Variants in KDM6A observed in about 807,000 individuals in gnomAD.
KDM6A encodes the protein lysine-specific demethylase 6A.
A neutral mutation model predicts 117.6 loss-of-function variants in KDM6A; 11 were observed. The ratio of observed to expected loss-of-function variants is 0.09; its 90% CI spans 0.06 to 0.15. The LOEUF is 0.15. Among genes scored for constraint, KDM6A ranks in the 10% least tolerant of loss-of-function variants. The pLI is 1.00. For missense variants in KDM6A, 799 were observed against 1,077.3 expected (o/e 0.74, Z 3.62); for synonymous variants, 384 against 396.1 (o/e 0.97, Z 0.36).
At chrX:44,884,102 C>CA (rs60159327) in intron 2 of KDM6A, among the ~76,000 whole-genome samples, 264 of 23,723 alleles carry the variant, frequency 0.011, 11 homozygotes, top group East Asian at 0.017. Flanking sequence ...AACTCTATCT[C>CA]AAAAAAAAAA....
At chrX:45,041,717 C>G (rs1347345826) in intron 8 of KDM6A, among the ~76,000 whole-genome samples, 1 of 108,252 alleles carries the variant, frequency 9.2e-6, no homozygotes, top group African/African-American at 3.4e-5. Flanking sequence ...AGGCGCTCCT[C>G]GCTTCCTAGA....
chrX:44,987,008 G>A (rs1183553512), intron 4 of KDM6A, among the ~76,000 whole-genome samples: 3 of 111,128 alleles, frequency 2.7e-5, no homozygotes, highest in African/African-American at 9.8e-5. Context: ...ATTGACAGTG[G>A]GGTGTTAAAG....
At chrX:45,067,234 G>A (rs1176153036) in intron 17 of KDM6A, among the ~76,000 whole-genome samples, 1 of 111,787 alleles carries the variant, frequency 8.9e-6, no homozygotes, top group Non-Finnish European at 1.9e-5. Context: ...ATTGCTTTTG[G>A]TAGCAAGGGT....
rs779923539 is a variant in KDM6A at position 45,070,209 on chromosome X, C to T, written c.2710C>T (p.His904Tyr). 8 of 1,211,059 alleles carry T rather than the reference C, an allele frequency of 6.6e-6. No homozygotes were observed. The South Asian group carries it at 1.4e-4, about 21-fold the overall frequency. Reference sequence around the variant, plus strand: ...CCTTAACAGCCCTCACAGTGGGCTACACACAATTAATGGAGAAGGGATGGA... The same window carrying T: ...CCTTAACAGCCCTCACAGTGGGCTATACACAATTAATGGAGAAGGGATGGA... ...TSLNSPHSGL[H>Y]TINGEGMEES... The change falls in exon 18 of 30, where the codon CAC (histidine) becomes TAC (tyrosine). Residue 904 changes from histidine to tyrosine, a missense_variant. By Grantham distance (83) the His-to-Tyr change is moderately conservative. Coordinates refer to ENST00000611820, the MANE Select transcript of KDM6A (RefSeq NM_001291415.2).
At chrX:44,932,164 G>T (rs1410175187) in intron 2 of KDM6A, among the ~76,000 whole-genome samples, 1 of 91,276 alleles carries the variant, frequency 1.1e-5, no homozygotes. Context: ...GTGTGATCTC[G>T]GCTTACTGCA....
chrX:45,066,730 A>G (rs1378101724), intron 17 of KDM6A, among the ~76,000 whole-genome samples: 4 of 111,989 alleles, frequency 3.6e-5, no homozygotes, highest in African/African-American at 6.5e-5. Context: ...GAAGTTTTCA[A>G]TACTCTCTTA....
chrX:45,061,292 T>C (rs774055187), intron 14 of KDM6A, 32 bp from the exon 15 acceptor site: 1 of 900,401 alleles, frequency 1.1e-6, no homozygotes, highest in Non-Finnish European at 1.6e-6. Flanking sequence ...CCAAATATTC[T>C]TTAATTTTTT....
chrX:44,922,027 CCTTTTTTTTTTTTTTTTTTTTTTTTTTT>C (rs2035981071), intron 2 of KDM6A, among the ~76,000 whole-genome samples: 2 of 37,712 alleles, frequency 5.3e-5, no homozygotes, highest in Non-Finnish European at 8.2e-5. Flanking sequence ...ATTGTGTGTG[CCTTTTTTTTTTTTTTTTTTTTTTTTTTT>C]TTTTTTTTTA....
intron 3 of KDM6A, among the ~76,000 whole-genome samples, chrX:44,964,850 C>T (rs2038927823): frequency 8.9e-6 from 1 of 112,071 alleles, no homozygotes; most frequent in African/African-American, 3.2e-5. Context: ...TCAGTCTGTC[C>T]TTTGAAACTT....
At chrX:45,062,626 C>T (rs1241667394) in intron 15 of KDM6A, 21 bp from the exon 16 acceptor site, 1 of 1,097,689 alleles carries the variant, frequency 9.1e-7, no homozygotes. Context: ...TGACTATATT[C>T]TCTTTTTGTT....
intron 5 of KDM6A, 25 bp from the exon 6 acceptor site, chrX:45,020,585 A>C (rs2042134518): frequency 8.3e-7 from 1 of 1,201,155 alleles, no homozygotes; most frequent in Non-Finnish European, 1.1e-6. Context: ...AAAAGTTAAG[A>C]TATCTTATGT....
At chrX:45,035,621 G>C (rs1003033547) in intron 7 of KDM6A, among the ~76,000 whole-genome samples, 3 of 110,925 alleles carry the variant, frequency 2.7e-5, no homozygotes, top group Non-Finnish European at 5.7e-5. Flanking sequence ...AAAGTATCCA[G>C]TAAAAAGGTT....
intron 4 of KDM6A, among the ~76,000 whole-genome samples, chrX:44,980,561 T>C (rs1206859497): frequency 3.7e-5 from 4 of 106,764 alleles, no homozygotes; most frequent in African/African-American, 1.4e-4. Context: ...TTACGTTTGT[T>C]TTTTTTTATG....
At chrX:45,035,322 A>G (rs926394061) in intron 7 of KDM6A, among the ~76,000 whole-genome samples, 9 of 112,171 alleles carry the variant, frequency 8.0e-5, no homozygotes, top group African/African-American at 1.9e-4. Flanking sequence ...ACATGAGTAT[A>G]TAAAGATTCT....
intron 5 of KDM6A, among the ~76,000 whole-genome samples, chrX:45,016,491 A>G (rs188473778): frequency 1.0e-5 from 1 of 96,792 alleles, no homozygotes; most frequent in African/African-American, 4.4e-5. Context: ...GTATGTATGT[A>G]TGTATGTATT....
chrX:45,047,510 A>T (rs1399899463), intron 8 of KDM6A, among the ~76,000 whole-genome samples: 3 of 106,367 alleles, frequency 2.8e-5, no homozygotes, highest in Non-Finnish European at 5.8e-5. Context: ...TCTGCTATTC[A>T]ATCCATATAG....
At chrX:45,086,185 A>G (rs2045632034) in intron 25 of KDM6A, 3 of 384,874 alleles carry the variant, frequency 7.8e-6, no homozygotes, top group Non-Finnish European at 1.4e-5. Flanking sequence ...AAACAACTTC[A>G]TGCAGTAGTA....
chrX:45,014,667 G>A (rs1036778645), intron 5 of KDM6A, among the ~76,000 whole-genome samples: 1 of 111,810 alleles, frequency 8.9e-6, no homozygotes, highest in East Asian at 2.8e-4. Context: ...ATATCCTAGG[G>A]TGAGAGTAAG....
chrX:44,974,776 T>C, intron 4 of KDM6A, 61 bp downstream of exon 4: 1 of 820,251 alleles, frequency 1.2e-6, no homozygotes, highest in East Asian at 3.1e-5. Context: ...TTGCCAATTA[T>C]ACTCAAAATT....
Sources: gnomAD v4.1 joint callset for allele counts (sites outside exome capture counted in the v4.1 genomes callset) on GRCh38, gnomAD v4.1.1 for gene constraint, MANE v1.5 for transcripts, NCBI Gene and HGNC (gene_info 2026-07-23, HGNC 2026-07-21) for gene names.